NOTCH3: variants seen among roughly 807,000 people sequenced by gnomAD.
NOTCH3 encodes notch receptor 3.
In NOTCH3, 86 loss-of-function variants were observed where a neutral mutation model predicts 213.3. The observed-to-expected ratio is 0.40, with a 90% confidence interval of 0.34 to 0.48. NOTCH3 has a LOEUF of 0.48. Among genes scored for constraint, NOTCH3 ranks in the 20% least tolerant of loss-of-function variants. NOTCH3 has a pLI of 0.57. For missense variants in NOTCH3, 2,783 were observed against 3,272.6 expected (o/e 0.85, Z 3.65); for synonymous variants, 1,354 against 1,355.9 (o/e 1.00, Z 0.03).
intron 16 of NOTCH3, among the ~76,000 whole-genome samples, chr19:15,183,391 T>C (rs1257819105): frequency 6.6e-6 from 1 of 151,628 alleles, no homozygotes; most frequent in African/African-American, 2.4e-5. Context: ...CCTTTTTGTT[T>C]GTTTGTTTGT....
At chr19:15,194,417 G>A (rs1052863294) in intron 2 of NOTCH3, among the ~76,000 whole-genome samples, 2 of 152,264 alleles carry the variant, frequency 1.3e-5, no homozygotes, top group East Asian at 1.9e-4. Flanking sequence ...CAGCCCTGCC[G>A]ATATCTTGAT....
rs761015234 is a variant in NOTCH3 at position 15,187,247 on chromosome 19, G to A, written c.1698C>T (p.Phe566=). ...TGTAGCCAGGAGCACAGGCACATGAGAAGCTGGCGATGCCATCCACGCAGC... is the reference window on the plus strand; with the variant it reads ...TGTAGCCAGGAGCACAGGCACATGAAAAGCTGGCGATGCCATCCACGCAGC... ...HGRCVDGIAS[F]SCACAPGYTG... The change falls in exon 11 of 33, where the codon TTC becomes TTT. Residue 566 remains phenylalanine (F), a synonymous_variant. Coordinates refer to ENST00000263388, the MANE Select transcript of NOTCH3 (RefSeq NM_000435.3). The A allele has an allele frequency of 2.5e-6, 4 of 1,614,146 alleles. No individual in the cohort carries two copies. The highest frequency in any genetic ancestry group is 3.4e-6 in the Non-Finnish European group (4 of 1,180,028).
intron 31 of NOTCH3, 77 bp from the exon 32 acceptor site, chr19:15,162,639 T>C (rs2046654468): frequency 1.8e-6 from 2 of 1,089,726 alleles, no homozygotes; most frequent in African/African-American, 1.5e-5. Flanking sequence ...AGAAATTGTC[T>C]AGAATGTGGC....
At chr19:15,191,034 TTTTTA>T (rs2046922556) in intron 6 of NOTCH3, among the ~76,000 whole-genome samples, 1 of 131,520 alleles carries the variant, frequency 7.6e-6, no homozygotes. Context: ...CATAATCTTT[TTTTTA>T]TTTTTTAAAT....
chr19:15,174,078 C>A lies in NOTCH3; in HGVS notation c.4726G>T (p.Glu1576Ter). The A allele has an allele frequency of 6.3e-7, 1 of 1,580,264 alleles. No individual in the cohort carries two copies. Among genetic ancestry groups the A allele is most frequent in the Non-Finnish European group, 8.6e-7 (1 of 1,159,372 alleles). The change falls in exon 25 of 33, where the codon GAG becomes TAG. Residue 1576 changes from glutamate to a stop codon, truncating the protein, a stop_gained. Transcript: ENST00000263388. LOFTEE classifies it high-confidence loss of function. The stretch of plus-strand genomic sequence containing the variant: ...GGTGGGGTCACTCACCCGATCACCT[C>A]GGGGGCCAGCTCCCGACGGGCCCGG... ...EPRARRELAP[E>*]VIGSVVMLEI...
At chr19:15,197,718 C>A in intron 1 of NOTCH3, 140 bp from the exon 2 acceptor site, 2 of 606,090 alleles carry the variant, frequency 3.3e-6, no homozygotes, top group South Asian at 2.0e-5. Flanking sequence ...GGAGTCCCCC[C>A]ATCCACAGTT....
intron 1 of NOTCH3, 151 bp from the exon 2 acceptor site, chr19:15,197,729 C>G: frequency 2.2e-6 from 1 of 454,122 alleles, no homozygotes; most frequent in South Asian, 2.4e-5. Flanking sequence ...ATCCACAGTT[C>G]CCACGCCCCC....
At chr19:15,189,203 C>T (rs1393166028) in intron 7 of NOTCH3, 29 bp from the exon 8 acceptor site, 5 of 1,613,100 alleles carry the variant, frequency 3.1e-6, no homozygotes, top group Middle Eastern at 1.6e-4. Context: ...TCGGTGTGGG[C>T]GTGGCTGGCC....
At position 15,197,493 on chromosome 19, in the gene NOTCH3, C is replaced by T; in HGVS notation, c.197+7G>A. 6.3e-7 allele frequency: 1 copy of T among 1,582,194 alleles called. No individual in the cohort carries two copies. The highest frequency in any genetic ancestry group is 1.9e-4 in the Middle Eastern group (1 of 5,286). On this transcript the variant is annotated splice_region_variant and intron_variant, in intron 2 of 32. Transcript: ENST00000263388. ...GGCCCACTGGTGGCTCTGAGCCAGGCACTCACAGGCAGGCAGCCTCCCGGG... is the reference window on the plus strand; with the variant it reads ...GGCCCACTGGTGGCTCTGAGCCAGGTACTCACAGGCAGGCAGCCTCCCGGG...
rs12977250 is a variant in NOTCH3 at position 15,183,855 on chromosome 19, A to G, written c.2566+440T>C. Among the ~76,000 whole-genome samples, 39 of 152,044 alleles carry G rather than the reference A, an allele frequency of 2.6e-4. 1 individual carries two copies. In the East Asian group the frequency reaches 4.3e-3, roughly 17 times the overall value. The stretch of plus-strand genomic sequence containing the variant: ...TGCTTGAGCCCAGGAATTGGAGACC[A>G]CCGTGGGCAACATGGCGAAACTCCG... On this transcript the variant is annotated intron_variant, in intron 16 of 32. Transcript: ENST00000263388.
rs578130924 is a variant in NOTCH3, at chr19:15,178,620, A to G, written c.3837+203T>C. ...GGCTGGTCTCTAACTCCTGGCCTCAAGTGATCCTCCCGCCTCGGCCTCCCA... is the reference window on the plus strand; with the variant it reads ...GGCTGGTCTCTAACTCCTGGCCTCAGGTGATCCTCCCGCCTCGGCCTCCCA... On this transcript the variant is annotated intron_variant, in intron 23 of 32. Coordinates refer to ENST00000263388, the MANE Select transcript of NOTCH3 (RefSeq NM_000435.3). The G allele has an allele frequency of 9.6e-4, 597 of 622,170 alleles. 1 individual carries two copies. The highest frequency in any genetic ancestry group is 3.9e-3 in the Middle Eastern group (9 of 2,334). 38.5% of individuals were successfully genotyped at this position (622,170 alleles called of 1,614,324 possible).
Position 15,178,042 on chromosome 19 carries a change from G to A in NOTCH3, c.3886C>T (p.Leu1296=). The A allele has an allele frequency of 2.0e-6, 3 of 1,518,160 alleles. No individual in the cohort carries two copies. Among genetic ancestry groups the A allele is most frequent in the Non-Finnish European group, 2.6e-6 (3 of 1,138,826 alleles). 94.0% of individuals were successfully genotyped at this position (1,518,160 alleles called of 1,614,324 possible). Residue 1296 remains leucine (L), a synonymous_variant, in exon 24 of 33, where the codon CTG becomes TTG. Transcript: ENST00000263388. ...CERVARSCRE[L]QCPVGVPCQQ... is the part of the protein sequence containing the mutation. The stretch of plus-strand genomic sequence containing the variant: ...CATGGGACGCCCACCGGGCACTGCA[G>A]CTCCCGGCAGGAGCGCGCCACCCGC...
chr19:15,164,638 C>CTATA (rs2046671303), intron 31 of NOTCH3, among the ~76,000 whole-genome samples: 1 of 151,956 alleles, frequency 6.6e-6, no homozygotes, highest in Admixed American at 6.6e-5. Context: ...TTTCAAGTCA[C>CTATA]TATATGTGGC....
At chr19:15,186,680 C>G (rs2046884262) in intron 12 of NOTCH3, among the ~76,000 whole-genome samples, 198 bp downstream of exon 12, 1 of 152,242 alleles carries the variant, frequency 6.6e-6, no homozygotes. Context: ...GCTGGGATTA[C>G]AGGCGTGAGC....
chr19:15,199,231 C>T (rs2046992340), intron 1 of NOTCH3, among the ~76,000 whole-genome samples: 1 of 152,188 alleles, frequency 6.6e-6, no homozygotes, highest in Non-Finnish European at 1.5e-5. Flanking sequence ...GTGAGTCTAT[C>T]TGTACATGCA....
chr19:15,170,449 G>A lies in NOTCH3; in HGVS notation c.4996C>T (p.Arg1666Trp), dbSNP rs1379085406. The change falls in exon 27 of 33, where the codon CGG becomes TGG. Residue 1666 changes from arginine to tryptophan, a missense_variant. Arg to Trp is a moderately radical substitution (Grantham distance 101, BLOSUM62 -3). Around this residue, in one of 6 missense-constraint regions of NOTCH3, gnomAD observed 636 missense variants for 801.8 expected, o/e 0.79. Coordinates refer to ENST00000263388, the MANE Select transcript of NOTCH3 (RefSeq NM_000435.3). Reference sequence around the variant, plus strand: ...AGGGTGCTGTGCTCGCGCTTGCGCCGGGCCACCATGACACCCAGGACGAGA... The same window carrying A: ...AGGGTGCTGTGCTCGCGCTTGCGCCAGGCCACCATGACACCCAGGACGAGA... ...VILVLGVMVARRKREHSTLWF... is the reference protein window; with the variant it reads ...VILVLGVMVAWRKREHSTLWF... 2 of 1,610,468 alleles carry A rather than the reference G, an allele frequency of 1.2e-6. No homozygotes were observed. The highest frequency in any genetic ancestry group is 1.1e-5 in the South Asian group (1 of 91,084).
Position 15,165,900 on chromosome 19 carries a change from C to T in NOTCH3, c.5554G>A (p.Ala1852Thr), listed in dbSNP as rs971318341. 26 of 1,614,040 alleles carry T rather than the reference C, an allele frequency of 1.6e-5. No homozygotes were observed. Among genetic ancestry groups the T allele is most frequent in the Non-Finnish European group, 2.0e-5 (24 of 1,180,034 alleles). ...ALHLAARYAR[A>T]DAAKRLLDAG... is the part of the protein sequence containing the mutation. ...TCCAGCAGCCGCTTGGCTGCATCAG[C>T]ACGGGCATAACGGGCAGCCAGGTGC... is the stretch of plus-strand genomic sequence containing the variant. Residue 1852 changes from alanine to threonine, a missense_variant, in exon 30 of 33, where the codon GCT (alanine) becomes ACT (threonine). Ala to Thr is a moderately conservative substitution (Grantham distance 58). This residue lies in a region of NOTCH3 where 636 missense variants were observed against 801.8 expected (regional missense o/e 0.79). Coordinates refer to ENST00000263388, the MANE Select transcript of NOTCH3 (RefSeq NM_000435.3). The surrounding 1 kb of genome is among the most constrained non-coding windows in gnomAD (Gnocchi z 4.7).
chr19:15,184,829 G>T (rs773659327), intron 15 of NOTCH3, 77 bp downstream of exon 15: 1 of 870,602 alleles, frequency 1.1e-6, no homozygotes, highest in Non-Finnish European at 1.9e-6. Flanking sequence ...TCCCTCTCTG[G>T]ATCCCCAGCA....
intron 1 of NOTCH3, among the ~76,000 whole-genome samples, 159 bp from the exon 2 acceptor site, chr19:15,197,737 C>T (rs2046980919): frequency 3.3e-5 from 1 of 29,946 alleles, no homozygotes; most frequent in South Asian, 1.3e-3. Context: ...TTCCCACGCC[C>T]CCCCCCCCCC....
Sources: allele counts gnomAD v4.1 joint callset (sites outside exome capture counted in the v4.1 genomes callset), GRCh38; gene constraint gnomAD v4.1.1; regional missense constraint gnomAD v4.1.1; non-coding constraint Gnocchi (gnomAD v3.1); transcripts MANE v1.5; gene names NCBI Gene and HGNC (gene_info 2026-07-23, HGNC 2026-07-21).